Variants in NRXN2 observed in about 807,000 individuals in gnomAD.
The protein encoded by NRXN2 is neurexin 2.
NRXN2 carries 29 observed loss-of-function variants against 128.8 expected under a neutral mutation model. That is an observed-to-expected ratio of 0.23 (90% CI 0.17 to 0.31). The LOEUF is 0.31. Ranked by LOEUF, NRXN2 falls within the 10% of genes least tolerant of loss-of-function variation. The pLI, the probability that NRXN2 is intolerant of heterozygous loss-of-function variation, is 1.00. For missense variants in NRXN2, 1,881 were observed against 2,452.6 expected (o/e 0.77, Z 4.92); for synonymous variants, 1,098 against 1,075.2 (o/e 1.02, Z -0.41).
At chr11:64,699,425 C>CTTTT (rs67776872) in intron 2 of NRXN2, among the ~76,000 whole-genome samples, 13,943 of 92,078 alleles carry the variant, frequency 0.15, 2,477 homozygotes, top group East Asian at 0.2. Flanking sequence ...TAATAGTTTT[C>CTTTT]TTTTTTTTTT....
chr11:64,607,544 G>A lies in NRXN2; in HGVS notation c.4791C>T (p.Arg1597=), dbSNP rs2039824755. Residue 1597 remains arginine (R), a synonymous_variant, in exon 23 of 23, where the codon CGC becomes CGT. Coordinates refer to ENST00000265459, the MANE Select transcript of NRXN2 (RefSeq NM_015080.4). ...SFEPRRPPPL[R]PGVTSAPGFP... is the part of the protein sequence containing the mutation. ...AGCCGGGGGCTGAGGTCACGCCGGG[G>A]CGCAGGGGAGGGGGCCTCCGCGGCT... 3 of 1,555,606 alleles carry A rather than the reference G, an allele frequency of 1.9e-6. No individual in the cohort carries two copies. The highest frequency in any genetic ancestry group is 2.7e-5 in the African/African-American group (2 of 73,754).
rs756614268 is a variant in NRXN2 at position 64,635,184 on chromosome 11, G to C, written c.3585+87C>G. On this transcript the variant is annotated intron_variant, in intron 18 of 22. Coordinates refer to ENST00000265459, the MANE Select transcript of NRXN2 (RefSeq NM_015080.4). The surrounding 1 kb of genome is among the most constrained non-coding windows in gnomAD (Gnocchi z 4.8). ...GAGGGTTCCCCATGAGGGAAGACTTGAGGTGCTGATCCCATGGCAATGAGG... is the reference window on the plus strand; with the variant it reads ...GAGGGTTCCCCATGAGGGAAGACTTCAGGTGCTGATCCCATGGCAATGAGG... The C allele has an allele frequency of 6.9e-7, 1 of 1,454,620 alleles. No homozygotes were observed. Among genetic ancestry groups the C allele is most frequent in the Non-Finnish European group, 9.6e-7 (1 of 1,038,986 alleles). 90.1% of individuals were successfully genotyped at this position (1,454,620 alleles called of 1,614,324 possible).
Position 64,713,854 on chromosome 11 carries a change from C to T in NRXN2, c.-155G>A. On this transcript the variant is annotated 5_prime_UTR_variant, in exon 2 of 23. Transcript: ENST00000265459. Reference sequence around the variant, plus strand: ...ATGGGCCCGGCCGCGGGGCGAGGCGCGCAGAGGCCCAGATGCCGGCTTCCC... The same window carrying T: ...ATGGGCCCGGCCGCGGGGCGAGGCGTGCAGAGGCCCAGATGCCGGCTTCCC... The T allele has an allele frequency of 3.4e-6, 1 of 291,544 alleles. No individual in the cohort carries two copies. The highest frequency in any genetic ancestry group is 6.2e-5 in the Admixed American group (1 of 16,044). 18.1% of individuals were successfully genotyped at this position (291,544 alleles called of 1,614,324 possible). A position where few individuals can be genotyped will look rare whatever the true frequency, so the allele number is the denominator to read the frequency against.
chr11:64,701,767 G>T (rs577796622), intron 2 of NRXN2, among the ~76,000 whole-genome samples: 1 of 152,214 alleles, frequency 6.6e-6, no homozygotes, highest in Admixed American at 6.5e-5. Flanking sequence ...CCCCGTCCGG[G>T]GGGGAAGTGG....
At chr11:64,682,734 G>C (rs1197689070) in intron 6 of NRXN2, among the ~76,000 whole-genome samples, 2 of 152,224 alleles carry the variant, frequency 1.3e-5, no homozygotes, top group South Asian at 2.1e-4. Context: ...AGCATACTGG[G>C]TATGGGAGGA....
intron 2 of NRXN2, among the ~76,000 whole-genome samples, chr11:64,705,129 G>T (rs1453800364): frequency 6.6e-6 from 1 of 152,186 alleles, no homozygotes. Flanking sequence ...AAGGGAGAAG[G>T]TGTGGCCCAA....
Position 64,642,205 on chromosome 11 carries a change from G to T in NRXN2, c.3403+6014C>A, listed in dbSNP as rs557843714. Among the ~76,000 whole-genome samples, 5 of 152,166 alleles carry T rather than the reference G, an allele frequency of 3.3e-5. No individual in the cohort carries two copies. In the East Asian group the frequency reaches 5.8e-4, roughly 18 times the overall value. ...AGAGAAATGGAAGGCAGAGCTGCAC[G>T]GAGAGGATGAAAGGACAGACAGGGC... On this transcript the variant is annotated intron_variant, in intron 17 of 22. Coordinates refer to ENST00000265459, the MANE Select transcript of NRXN2 (RefSeq NM_015080.4).
chr11:64,648,819 C>T lies in NRXN2; in HGVS notation c.3198G>A (p.Leu1066=). The T allele has an allele frequency of 6.2e-7, 1 of 1,614,208 alleles. No homozygotes were observed. The highest frequency in any genetic ancestry group is 8.5e-7 in the Non-Finnish European group (1 of 1,180,022). ...GACGTCCGTTGAGGTCCACTGAGGC[C>T]AGGCAGCCCTGAAAGCCATCCCGGG... The part of the protein sequence containing the change: ...VASRDGFQGC[L]ASVDLNGRLP... Residue 1066 remains leucine (L), a synonymous_variant, in exon 16 of 23, where the codon CTG becomes CTA. Coordinates refer to ENST00000265459, the MANE Select transcript of NRXN2 (RefSeq NM_015080.4). This position sits in a 1 kb window ranked among gnomAD's most constrained non-coding sequence, Gnocchi z 4.1.
Position 64,635,425 on chromosome 11 carries a change from C to G in NRXN2, c.3431G>C (p.Gly1144Ala), listed in dbSNP as rs1020873297. 1.9e-6 allele frequency: 3 copies of G among 1,613,794 alleles called. No individual in the cohort carries two copies. The highest frequency in any genetic ancestry group is 1.6e-4 in the Middle Eastern group (1 of 6,062). Residue 1144 changes from glycine to alanine, a missense_variant, in exon 18 of 23, where the codon GGG becomes GCG. By Grantham distance (60) the Gly-to-Ala change is moderately conservative. This residue lies in a region of NRXN2 where 390 missense variants were observed against 599.6 expected (regional missense o/e 0.65). Coordinates refer to ENST00000265459, the MANE Select transcript of NRXN2 (RefSeq NM_015080.4). This position sits in a 1 kb window ranked among gnomAD's most constrained non-coding sequence, Gnocchi z 4.8. Reference protein sequence around the residue: ...DPGTTYIFGKGGALITYTWPP... With the variant: ...DPGTTYIFGKAGALITYTWPP... Reference sequence around the variant, plus strand: ...CCACGTGTAGGTGATGAGCGCTCCCCCCTTCCCAAAGATGTATGTGGTCCC... The same window carrying G: ...CCACGTGTAGGTGATGAGCGCTCCCGCCTTCCCAAAGATGTATGTGGTCCC...
In NRXN2 at chr11:64,635,343, G is replaced by C; in HGVS notation, c.3513C>G (p.Thr1171=). The C allele has an allele frequency of 1.9e-6, 3 of 1,613,602 alleles. No individual in the cohort carries two copies. Among genetic ancestry groups the C allele is most frequent in the South Asian group, 2.2e-5 (2 of 91,088 alleles). ...GCACCAGCACAGCGCTCCGCTGGTG[G>C]GTGCTGAAGCCCACGGCCAGGCGAT... is the stretch of plus-strand genomic sequence containing the variant. ...RMDRLAVGFS[T]HQRSAVLVRV... The change falls in exon 18 of 23, where the codon ACC becomes ACG. Residue 1171 remains threonine, a synonymous_variant. Transcript: ENST00000265459. This position sits in a 1 kb window ranked among gnomAD's most constrained non-coding sequence, Gnocchi z 4.8.
chr11:64,648,107 AAGC>A lies in NRXN2; in HGVS notation c.3403+109_3403+111del. 1.4e-6 allele frequency: 2 copies of A among 1,463,622 alleles called. No homozygotes were observed. The highest frequency in any genetic ancestry group is 2.3e-5 in the South Asian group (2 of 86,850). 90.7% of individuals were successfully genotyped at this position (1,463,622 alleles called of 1,614,324 possible). A position where few individuals can be genotyped will look rare whatever the true frequency, so the allele number is the denominator to read the frequency against. On this transcript the variant is annotated intron_variant, in intron 17 of 22. Coordinates refer to ENST00000265459, the MANE Select transcript of NRXN2 (RefSeq NM_015080.4). The surrounding 1 kb of genome is among the most constrained non-coding windows in gnomAD (Gnocchi z 4.1). ...CTGCAGACAAGGGATGAGAAGGAAG[AAGC>A]AGCACAGCTCCTGAATGCTCAGAGG...
At chr11:64,720,107 A>G (rs192335707) in intron 1 of NRXN2, among the ~76,000 whole-genome samples, 21 of 152,340 alleles carry the variant, frequency 1.4e-4, no homozygotes, top group African/African-American at 4.8e-4. Flanking sequence ...TTCACACGTG[A>G]GGAAACTGAG....
chr11:64,689,110 G>A (rs1439781996), intron 5 of NRXN2, among the ~76,000 whole-genome samples: 1 of 152,182 alleles, frequency 6.6e-6, no homozygotes, highest in South Asian at 2.1e-4. Context: ...GCTGCTGTGG[G>A]CACCTCAGAA....
chr11:64,668,473 G>A lies in NRXN2; in HGVS notation c.1329C>T (p.Val443=). The part of the protein sequence containing the change: ...PNTADLPGSP[V]SNNFMGCLKD... ...TGAGGCAGCCCATGAAGTTGTTGCT[G>A]ACGGGCGAGCCCGGCAGGTCAGCTG... Residue 443 remains valine, a synonymous_variant, in exon 8 of 23, where the codon GTC becomes GTT. Coordinates refer to ENST00000265459, the MANE Select transcript of NRXN2 (RefSeq NM_015080.4). The A allele has an allele frequency of 1.2e-6, 2 of 1,614,054 alleles. No homozygotes were observed. Among genetic ancestry groups the A allele is most frequent in the Non-Finnish European group, 1.7e-6 (2 of 1,180,038 alleles).
intron 6 of NRXN2, 68 bp from the exon 7 acceptor site, chr11:64,677,105 A>G (rs2051443856): frequency 4.6e-6 from 5 of 1,091,582 alleles, no homozygotes; most frequent in South Asian, 1.3e-5. Flanking sequence ...CACAACAACA[A>G]AAGAACAGAA....
intron 4 of NRXN2, 105 bp downstream of exon 4, chr11:64,692,741 GT>G: frequency 8.3e-7 from 1 of 1,207,714 alleles, no homozygotes; most frequent in Non-Finnish European, 1.2e-6. Context: ...GTCAGGACAG[GT>G]GGAGGAGGGG....
intron 6 of NRXN2, among the ~76,000 whole-genome samples, chr11:64,684,981 G>C (rs1483547444): frequency 6.6e-6 from 1 of 152,160 alleles, no homozygotes; most frequent in Non-Finnish European, 1.5e-5. Context: ...TCCTTTGAAA[G>C]AAAGAGAAGG....
Position 64,635,190 on chromosome 11 carries a change from C to T in NRXN2, c.3585+81G>A. On this transcript the variant is annotated intron_variant, in intron 18 of 22. Coordinates refer to ENST00000265459, the MANE Select transcript of NRXN2 (RefSeq NM_015080.4). The surrounding 1 kb of genome is among the most constrained non-coding windows in gnomAD (Gnocchi z 4.8). ...TCCCCATGAGGGAAGACTTGAGGTG[C>T]TGATCCCATGGCAATGAGGGGCTGA... is the stretch of plus-strand genomic sequence containing the variant. The T allele has an allele frequency of 1.3e-6, 2 of 1,503,960 alleles. No individual in the cohort carries two copies. Among genetic ancestry groups the T allele is most frequent in the Admixed American group, 1.7e-5 (1 of 59,724 alleles). The allele number at this position is 1,503,960 out of a possible 1,614,324, so 93.2% of individuals were successfully genotyped here. A position where few individuals can be genotyped will look rare whatever the true frequency, so the allele number is the denominator to read the frequency against.
intron 2 of NRXN2, among the ~76,000 whole-genome samples, chr11:64,701,431 ACT>A (rs2055337014): frequency 2.0e-5 from 3 of 151,964 alleles, no homozygotes; most frequent in Admixed American, 6.5e-5. Context: ...AAGAAAATCT[ACT>A]CTTTCTTTAA....
Sources: allele counts gnomAD v4.1 joint callset (sites outside exome capture counted in the v4.1 genomes callset), GRCh38; gene constraint gnomAD v4.1.1; regional missense constraint gnomAD v4.1.1; non-coding constraint Gnocchi (gnomAD v3.1); transcripts MANE v1.5; gene names NCBI Gene and HGNC (gene_info 2026-07-23, HGNC 2026-07-21).